CACNA1D: variants seen among roughly 807,000 people sequenced by gnomAD.
CACNA1D encodes calcium voltage-gated channel subunit alpha1 D.
CACNA1D carries 55 observed loss-of-function variants against 257.1 expected under a neutral mutation model. The observed-to-expected ratio is 0.21, with a 90% CI of 0.17 to 0.27. The LOEUF (loss-of-function observed/expected upper bound fraction) is 0.27, where lower values mean the gene tolerates loss of function less well. CACNA1D is among the 10% of genes least tolerant of loss of function. The pLI, the probability that CACNA1D is intolerant of heterozygous loss-of-function variation, is 1.00. For synonymous variants in CACNA1D, 980 were observed against 1,014.9 expected (o/e 0.97, Z 0.65); for missense variants, 1,876 against 2,784.0 (o/e 0.67, Z 7.34).
Position 53,747,333 on chromosome 3 carries a change from G to A in CACNA1D, c.3199G>A (p.Val1067Ile), listed in dbSNP as rs532429425. ...TTTCATCCTCTACAAGGATGGGGAT[G>A]TTGACAGTCCTGTGGTCCGTGAACG... is the stretch of plus-strand genomic sequence containing the variant. Reference protein sequence around the residue: ...GLFILYKDGDVDSPVVRERIW... With the variant: ...GLFILYKDGDIDSPVVRERIW... The change falls in exon 26 of 48, where the codon GTT becomes ATT. Residue 1067 changes from valine to isoleucine, a missense_variant. By Grantham distance (29) the Val-to-Ile change is conservative. Coordinates refer to ENST00000350061, the MANE Select transcript of CACNA1D (RefSeq NM_001128840.3). 3 of 1,614,102 alleles carry A rather than the reference G, an allele frequency of 1.9e-6. No homozygotes were observed. The highest frequency in any genetic ancestry group is 2.7e-5 in the African/African-American group (2 of 75,060).
At chr3:53,560,870 T>A (rs2092726025) in intron 3 of CACNA1D, among the ~76,000 whole-genome samples, 1 of 152,092 alleles carries the variant, frequency 6.6e-6, no homozygotes, top group Admixed American at 6.5e-5. Flanking sequence ...GATCAACAAC[T>A]CCTCTTGATT....
chr3:53,782,081 GA>G (rs1177891932), intron 39 of CACNA1D, among the ~76,000 whole-genome samples: 2 of 151,714 alleles, frequency 1.3e-5, no homozygotes, highest in Non-Finnish European at 2.9e-5. Flanking sequence ...TTGTATTTTT[GA>G]AATGTTCTTA....
chr3:53,752,359 G>T (rs956491913), intron 28 of CACNA1D, among the ~76,000 whole-genome samples: 2 of 152,128 alleles, frequency 1.3e-5, no homozygotes, highest in Non-Finnish European at 2.9e-5. Context: ...TAGAGATAAG[G>T]TTTATGCTGT....
chr3:53,787,283 C>A (rs1226910458), intron 40 of CACNA1D, among the ~76,000 whole-genome samples: 1 of 152,242 alleles, frequency 6.6e-6, no homozygotes, highest in African/African-American at 2.4e-5. Context: ...CAGCCCTGGG[C>A]TCCAGGGTTC....
chr3:53,537,542 A>G (rs546914270), intron 3 of CACNA1D, among the ~76,000 whole-genome samples: 43 of 138,208 alleles, frequency 3.1e-4, no homozygotes, highest in African/African-American at 1.3e-3. Context: ...CAGTCTGCTA[A>G]CACATGAGAA....
chr3:53,628,724 C>T (rs1331224753), intron 3 of CACNA1D, among the ~76,000 whole-genome samples: 3 of 151,974 alleles, frequency 2.0e-5, no homozygotes, highest in Non-Finnish European at 4.4e-5. Context: ...TTTGTGTTTT[C>T]GAAAGCCTCA....
chr3:53,566,862 T>C (rs991188391), intron 3 of CACNA1D, among the ~76,000 whole-genome samples: 3 of 152,170 alleles, frequency 2.0e-5, no homozygotes, highest in African/African-American at 7.2e-5. Flanking sequence ...AGGTCTGTCT[T>C]AAGTTCTTTC....
intron 3 of CACNA1D, among the ~76,000 whole-genome samples, chr3:53,618,297 A>G (rs544979182): frequency 6.6e-6 from 1 of 152,296 alleles, no homozygotes; most frequent in Admixed American, 6.5e-5. Context: ...TGCAGACAGC[A>G]TGTAGCTGTC....
chr3:53,522,867 C>A lies in CACNA1D; in HGVS notation c.483+21147C>A, dbSNP rs570811623. Among the ~76,000 whole-genome samples the A allele has an allele frequency of 2.6e-4, 39 of 152,292 alleles. No individual in the cohort carries two copies. The Middle Eastern group carries it at 0.014, about 53-fold the overall frequency. Reference sequence around the variant, plus strand: ...TGCTATCAAACACTAGAGCTTATTTCTTCCATCTAACTGTGTGTTTGACCC... The same window carrying A: ...TGCTATCAAACACTAGAGCTTATTTATTCCATCTAACTGTGTGTTTGACCC... On this transcript the variant is annotated intron_variant, in intron 3 of 47. Transcript: ENST00000350061.
rs1192445534 is a variant in CACNA1D, at chr3:53,812,128, T to G, written c.*722T>G. ...GCACTCGCAACCAGGTAAACTTAGATACACTAGTTTGTTTAAAATTATAGA... is the reference window on the plus strand; with the variant it reads ...GCACTCGCAACCAGGTAAACTTAGAGACACTAGTTTGTTTAAAATTATAGA... On this transcript the variant is annotated 3_prime_UTR_variant, in exon 48 of 48. Coordinates refer to ENST00000350061, the MANE Select transcript of CACNA1D (RefSeq NM_001128840.3). 6.6e-6 allele frequency: 1 copy of G among 152,242 alleles called. No homozygotes were observed. Among genetic ancestry groups the G allele is most frequent in the Non-Finnish European group, 1.5e-5 (1 of 68,040 alleles). The allele number at this position is 152,242 out of a possible 1,614,324, so 9.4% of individuals were successfully genotyped here. A position where few individuals can be genotyped will look rare whatever the true frequency, so the allele number is the denominator to read the frequency against.
chr3:53,519,896 G>T (rs35593046), intron 3 of CACNA1D, among the ~76,000 whole-genome samples: 37,771 of 151,902 alleles, frequency 0.25, 5,155 homozygotes, highest in East Asian at 0.54. Context: ...TCATATAAAC[G>T]GGATCATACA....
At chr3:53,672,756 CTCTGTGTGTGTGTGTGTGTGTGTGTG>C (rs2094335292) in intron 7 of CACNA1D, among the ~76,000 whole-genome samples, 1 of 105,468 alleles carries the variant, frequency 9.5e-6, no homozygotes, top group South Asian at 3.2e-4. Context: ...GCCTTGATGA[CTCTGTGTGTGTGTGTGTGTGTGTGTG>C]TGTGTGTGTG....
At chr3:53,549,685 T>C (rs2092488875) in intron 3 of CACNA1D, among the ~76,000 whole-genome samples, 1 of 152,224 alleles carries the variant, frequency 6.6e-6, no homozygotes, top group South Asian at 2.1e-4. Flanking sequence ...AAGTTGACTC[T>C]TAAGGGTATT....
intron 3 of CACNA1D, among the ~76,000 whole-genome samples, chr3:53,612,830 G>C (rs956102601): frequency 1.3e-5 from 2 of 152,114 alleles, no homozygotes; most frequent in South Asian, 4.2e-4. Context: ...CATCTCTCAG[G>C]CATTACAGTC....
At chr3:53,794,023 G>A (rs993907209) in intron 40 of CACNA1D, among the ~76,000 whole-genome samples, 3 of 152,168 alleles carry the variant, frequency 2.0e-5, no homozygotes, top group African/African-American at 7.2e-5. Context: ...TTCTCAAATA[G>A]CTTATACTGT....
chr3:53,754,496 T>C (rs553357953), intron 29 of CACNA1D, among the ~76,000 whole-genome samples: 2 of 152,350 alleles, frequency 1.3e-5, no homozygotes, highest in East Asian at 3.9e-4. Flanking sequence ...CATGGGGTTG[T>C]CATGAGGAGT....
At chr3:53,773,138 A>G (rs1171498272) in intron 33 of CACNA1D, among the ~76,000 whole-genome samples, 2 of 152,250 alleles carry the variant, frequency 1.3e-5, no homozygotes. Context: ...TCATGGCAGA[A>G]GAATTATGCT....
At chr3:53,715,296 A>G (rs1050329626) in intron 9 of CACNA1D, among the ~76,000 whole-genome samples, 3 of 152,114 alleles carry the variant, frequency 2.0e-5, no homozygotes, top group Admixed American at 2.0e-4. Context: ...TTTATTTATT[A>G]TGTGCCTGTG....
chr3:53,511,737 T>A (rs1159795346), intron 3 of CACNA1D, among the ~76,000 whole-genome samples: 1 of 152,180 alleles, frequency 6.6e-6, no homozygotes. Context: ...TATTTAATCA[T>A]TCATAAAGTA....
Sources: allele counts gnomAD v4.1 joint callset (sites outside exome capture counted in the v4.1 genomes callset), GRCh38; gene constraint gnomAD v4.1.1; transcripts MANE v1.5; gene names NCBI Gene and HGNC (gene_info 2026-07-23, HGNC 2026-07-21).